The following ADAM22 variants were observed in gnomAD, a reference collection of about 807,000 sequenced individuals.
ADAM22 encodes ADAM metallopeptidase domain 22, also known as disintegrin and metalloproteinase domain-containing protein 22.
A neutral mutation model predicts 144.6 loss-of-function variants in ADAM22; 65 were observed. The ratio of observed to expected loss-of-function variants is 0.45; its 90% CI spans 0.37 to 0.55. ADAM22 has a LOEUF of 0.55. Among genes scored for constraint, ADAM22 ranks in the 20% least tolerant of loss-of-function variants. The pLI is 0.00. For missense variants in ADAM22, 974 were observed against 1,184.9 expected, an observed-to-expected ratio of 0.82 and a Z score of 2.61; for synonymous variants, 391 against 412.6, an observed-to-expected ratio of 0.95 and a Z score of 0.63.
At position 87,974,159 on chromosome 7, in the gene ADAM22, C is replaced by A. The variant is rs377585555; in HGVS notation, c.247-4177C>A. Reference sequence around the variant, plus strand: ...AAAGAAAAAAATACAAAAAAATTAGCCAGCCGTGGTGGCGGGTGTCTGTAG... The same window carrying A: ...AAAGAAAAAAATACAAAAAAATTAGACAGCCGTGGTGGCGGGTGTCTGTAG... On this transcript the variant is annotated intron_variant, in intron 2 of 31. Coordinates refer to ENST00000413139, the MANE Select transcript of ADAM22 (RefSeq NM_001324418.2). Among the ~76,000 whole-genome samples, 103 of 150,578 alleles carry A rather than the reference C, an allele frequency of 6.8e-4. 3 individuals carry two copies. The East Asian group carries it at 0.016, about 23-fold the overall frequency.
intron 4 of ADAM22, among the ~76,000 whole-genome samples, chr7:88,102,010 C>T (rs987966077): frequency 2.0e-5 from 3 of 152,172 alleles, no homozygotes; most frequent in African/African-American, 7.2e-5. Context: ...GACTTTGTAG[C>T]AGGCATACCT....
intron 3 of ADAM22, among the ~76,000 whole-genome samples, chr7:88,007,944 T>C (rs1267250168): frequency 6.6e-5 from 10 of 151,964 alleles, no homozygotes; most frequent in South Asian, 2.1e-4. Flanking sequence ...AAAGAAACTA[T>C]CATCAGAGTG....
chr7:87,994,163 T>A (rs1263784536), intron 3 of ADAM22, among the ~76,000 whole-genome samples: 1 of 151,226 alleles, frequency 6.6e-6, no homozygotes, highest in Non-Finnish European at 1.5e-5. Flanking sequence ...TTACTGTCAT[T>A]CCTTTTTTTT....
Position 88,151,313 on chromosome 7 carries a change from G to A in ADAM22, c.1674G>A (p.Trp558Ter), listed in dbSNP as rs2129526281. The A allele has an allele frequency of 6.2e-7, 1 of 1,614,062 alleles. No homozygotes were observed. Among genetic ancestry groups the A allele is most frequent in the Non-Finnish European group, 8.5e-7 (1 of 1,179,968 alleles). The part of the protein sequence containing the change: ...KTRDRQCKYI[W>*]GQKVTASDKY... ...GAGATAGACAATGCAAATACATTTG[G>A]GGGCAAAGTAAGTAAATAGTGTGGC... The change falls in exon 20 of 32, where the codon TGG becomes TGA. Residue 558 changes from tryptophan (W) to a stop codon, truncating the protein, a stop_gained. Coordinates refer to ENST00000413139, the MANE Select transcript of ADAM22 (RefSeq NM_001324418.2). LOFTEE classifies it high-confidence loss of function.
In ADAM22 at chr7:88,048,717, C is replaced by T. The variant is rs528362141; in HGVS notation, c.324-26909C>T. Among the ~76,000 whole-genome samples the T allele has an allele frequency of 1.8e-4, 28 of 151,914 alleles. No individual in the cohort carries two copies. In the South Asian group the frequency reaches 5.6e-3, roughly 30 times the overall value. ...AACTATTTTTTATATACAGGGTGGT[C>T]GCTAAGTCTAGAAACACAGGAAAAT... On this transcript the variant is annotated intron_variant, in intron 3 of 31. Transcript: ENST00000413139.
intron 2 of ADAM22, among the ~76,000 whole-genome samples, chr7:87,976,633 A>G (rs528052747): frequency 9.0e-4 from 137 of 152,368 alleles, no homozygotes; most frequent in Admixed American, 1.5e-3. Flanking sequence ...AAGGATGAGT[A>G]GGGCCGTTTC....
chr7:87,982,910 C>T (rs1854037545), intron 3 of ADAM22, among the ~76,000 whole-genome samples: 2 of 150,970 alleles, frequency 1.3e-5, no homozygotes, highest in Admixed American at 1.3e-4. Flanking sequence ...AGGCTGGTCT[C>T]GAACTCCTGA....
intron 14 of ADAM22, among the ~76,000 whole-genome samples, chr7:88,136,652 T>C (rs1422561546): frequency 1.3e-5 from 2 of 152,020 alleles, no homozygotes; most frequent in Non-Finnish European, 2.9e-5. Flanking sequence ...ACTGCCCTAG[T>C]TTAAACTTTG....
intron 4 of ADAM22, among the ~76,000 whole-genome samples, chr7:88,078,371 G>A (rs1039932825): frequency 3.3e-5 from 5 of 152,290 alleles, no homozygotes; most frequent in African/African-American, 4.8e-5. Flanking sequence ...AAAGACCAAA[G>A]ATAGATAAAA....
intron 3 of ADAM22, among the ~76,000 whole-genome samples, chr7:88,026,247 G>C (rs978214899): frequency 3.3e-5 from 5 of 152,140 alleles, no homozygotes; most frequent in Non-Finnish European, 5.9e-5. Flanking sequence ...TCTGCTTCTG[G>C]GGAGACCTCA....
At chr7:88,177,459 CTGAAGTCATTTACAGAA>C (rs1171658000) in intron 26 of ADAM22, among the ~76,000 whole-genome samples, 4 of 151,886 alleles carry the variant, frequency 2.6e-5, no homozygotes, top group Non-Finnish European at 5.9e-5. Context: ...CTATTATGAG[CTGAAGTCATTTACAGAA>C]TTAAAAATAT....
At chr7:87,957,488 A>T (rs1847053796) in intron 2 of ADAM22, among the ~76,000 whole-genome samples, 1 of 152,128 alleles carries the variant, frequency 6.6e-6, no homozygotes, top group Non-Finnish European at 1.5e-5. Context: ...GATTCAGATG[A>T]TGCTCTCTTG....
intron 3 of ADAM22, among the ~76,000 whole-genome samples, chr7:87,992,382 G>T (rs1203421095): frequency 6.6e-6 from 1 of 152,172 alleles, no homozygotes; most frequent in Non-Finnish European, 1.5e-5. Context: ...AGGTGTTAAT[G>T]ACTGCACTAA....
intron 3 of ADAM22, among the ~76,000 whole-genome samples, chr7:87,981,043 AT>A (rs1183056747): frequency 4.0e-5 from 6 of 151,480 alleles, no homozygotes; most frequent in African/African-American, 9.7e-5. Flanking sequence ...ATTCAGTCCA[AT>A]TTTTTTTTCT....
At chr7:88,172,258 C>T (rs1187478715) in intron 26 of ADAM22, among the ~76,000 whole-genome samples, 1 of 151,910 alleles carries the variant, frequency 6.6e-6, no homozygotes, top group Non-Finnish European at 1.5e-5. Flanking sequence ...TAACAATTGC[C>T]TATTTTATCT....
chr7:87,979,013 A>G (rs943079826), intron 3 of ADAM22, among the ~76,000 whole-genome samples: 2 of 152,178 alleles, frequency 1.3e-5, no homozygotes, highest in Non-Finnish European at 2.9e-5. Context: ...GTAGTGTTTA[A>G]TAAATCTGGT....
chr7:87,969,153 T>C (rs1243179960), intron 2 of ADAM22, among the ~76,000 whole-genome samples: 1 of 152,222 alleles, frequency 6.6e-6, no homozygotes, highest in East Asian at 1.9e-4. Context: ...AGAAGTCTAA[T>C]GTGGAACCAG....
intron 2 of ADAM22, among the ~76,000 whole-genome samples, chr7:87,967,114 G>A (rs1025078835): frequency 6.6e-6 from 1 of 152,086 alleles, no homozygotes; most frequent in African/African-American, 2.4e-5. Context: ...TTCCCCTTCT[G>A]CCATGACTGT....
chr7:88,195,876 A>G (rs916496281), intron 31 of ADAM22, among the ~76,000 whole-genome samples: 2 of 152,080 alleles, frequency 1.3e-5, no homozygotes, highest in South Asian at 4.1e-4. Flanking sequence ...GTGATTTTCA[A>G]GTGGGTGATG....
Sources: gnomAD v4.1 joint callset for allele counts (sites outside exome capture counted in the v4.1 genomes callset) on GRCh38, gnomAD v4.1.1 for gene constraint, MANE v1.5 for transcripts, NCBI Gene and HGNC (gene_info 2026-07-23, HGNC 2026-07-21) for gene names.